PLAUR: variants seen among roughly 807,000 people sequenced by gnomAD.
PLAUR encodes the protein plasminogen activator, urokinase receptor, also known as urokinase plasminogen activator surface receptor.
Under a neutral mutation model 33.4 loss-of-function variants are expected in PLAUR, and 22 were observed. The ratio of observed to expected loss-of-function variants is 0.66; its 90% CI spans 0.47 to 0.94. PLAUR has a LOEUF of 0.94. PLAUR is among the 40% of genes least tolerant of loss of function. The pLI is 0.00. For synonymous variants in PLAUR, 148 were observed against 167.3 expected (o/e 0.88, Z 0.89); for missense variants, 408 against 434.7 (o/e 0.94, Z 0.55).
chr19:43,647,935 G>A (rs773085598), downstream of PLAUR, among the ~76,000 whole-genome samples: 9 of 134,390 alleles, frequency 6.7e-5, no homozygotes, highest in Admixed American at 1.5e-4. Context: ...AGGTTAGAGA[G>A]CCCTTTTTTT....
chr19:43,668,021 T>G (rs1373780650), intron 1 of PLAUR: 2 of 1,141,976 alleles, frequency 1.8e-6, no homozygotes, highest in South Asian at 4.5e-5. Context: ...GTTCTATTCC[T>G]GCTCCTATTA....
Position 43,667,622 on chromosome 19 carries a change from C to A in PLAUR, c.125G>T (p.Gly42Val), listed in dbSNP as rs1201479506. ...GATCGTGGTCCTGCAGAGGTCCTGT[C>A]CCAGGGCGCACTCTTCCACACGGCA... is the stretch of plus-strand genomic sequence containing the variant. ...GDCRVEECALGQDLCRTTIVR... is the reference protein window; with the variant it reads ...GDCRVEECALVQDLCRTTIVR... The change falls in exon 2 of 7, where the codon GGA becomes GTA. Residue 42 changes from glycine to valine, a missense_variant. Physicochemically the swap from Gly to Val is moderately radical, Grantham distance 109 (BLOSUM62 -3). Transcript: ENST00000340093. The A allele has an allele frequency of 1.2e-6, 2 of 1,614,088 alleles. No individual in the cohort carries two copies. The highest frequency in any genetic ancestry group is 1.7e-6 in the Non-Finnish European group (2 of 1,180,002).
In PLAUR at chr19:43,667,539, CA is replaced by C. The variant is rs769481069; in HGVS notation, c.166+41del. 12 of 1,374,718 alleles carry C rather than the reference CA, an allele frequency of 8.7e-6. No individual in the cohort carries two copies. In the Admixed American group the frequency reaches 1.8e-4, roughly 21 times the overall value. 85.2% of individuals were successfully genotyped at this position (1,374,718 alleles called of 1,614,324 possible). A position where few individuals can be genotyped will look rare whatever the true frequency, so the allele number is the denominator to read the frequency against. On this transcript the variant is annotated intron_variant, in intron 2 of 6. Transcript: ENST00000340093. ...GAAGGTTTCTCAATCACTCGCGTTC[CA>C]TGCTGCGCTGGAGGGGTGTGTGGGT...
At chr19:43,659,162 C>CTTTTATTT (rs1555780377) in intron 3 of PLAUR, among the ~76,000 whole-genome samples, 2 of 10,754 alleles carry the variant, frequency 1.9e-4, no homozygotes, top group Non-Finnish European at 3.8e-4. Context: ...TTTTTCTTTT[C>CTTTTATTT]TTTTCTTTTT....
intron 3 of PLAUR, among the ~76,000 whole-genome samples, chr19:43,660,332 ATT>A (rs58331143): frequency 2.5e-4 from 36 of 144,914 alleles, no homozygotes; most frequent in African/African-American, 3.0e-4. Context: ...TACCCGGCTA[ATT>A]TTTTTTTTTT....
chr19:43,663,360 T>G (rs1568562377), intron 3 of PLAUR, among the ~76,000 whole-genome samples: 1 of 146,164 alleles, frequency 6.8e-6, no homozygotes, highest in Non-Finnish European at 1.5e-5. Flanking sequence ...CACAGGACTG[T>G]GAGTCCCATG....
At chr19:43,662,308 C>T (rs942034258) in intron 3 of PLAUR, among the ~76,000 whole-genome samples, 8 of 151,970 alleles carry the variant, frequency 5.3e-5, no homozygotes, top group East Asian at 1.9e-4. Context: ...CCAGCCTGGC[C>T]AACATGGTGA....
At chr19:43,651,726 A>C in intron 6 of PLAUR, 1 of 887,640 alleles carries the variant, frequency 1.1e-6, no homozygotes, top group Non-Finnish European at 1.4e-6. Flanking sequence ...GTGAGCCACC[A>C]CACCTGGCCA....
downstream of PLAUR, among the ~76,000 whole-genome samples, chr19:43,648,074 C>T (rs1021950387): frequency 2.6e-5 from 4 of 151,200 alleles, no homozygotes; most frequent in African/African-American, 7.3e-5. Flanking sequence ...GGGAGGCTAT[C>T]TGGGGGTTGG....
rs1284817952 is a variant in PLAUR, at chr19:43,667,614, G to A, written c.133C>T (p.Leu45Phe). The change falls in exon 2 of 7, where the codon CTC becomes TTC. Residue 45 changes from leucine (L) to phenylalanine (F), a missense_variant. Transcript: ENST00000340093. The stretch of plus-strand genomic sequence containing the variant: ...AAGCGCACGATCGTGGTCCTGCAGA[G>A]GTCCTGTCCCAGGGCGCACTCTTCC... The part of the protein sequence containing the change: ...RVEECALGQD[L>F]CRTTIVRLWE... 1.2e-6 allele frequency: 2 copies of A among 1,613,968 alleles called. No homozygotes were observed. The highest frequency in any genetic ancestry group is 4.5e-5 in the East Asian group (2 of 44,884).
intron 6 of PLAUR, among the ~76,000 whole-genome samples, chr19:43,651,555 C>G (rs1045489916): frequency 2.0e-5 from 3 of 151,926 alleles, no homozygotes; most frequent in African/African-American, 7.3e-5. Flanking sequence ...GTGCCTCAGC[C>G]CCCTGAGTAG....
chr19:43,656,120 A>G (rs1177492574), intron 4 of PLAUR, among the ~76,000 whole-genome samples: 1 of 151,904 alleles, frequency 6.6e-6, no homozygotes, highest in African/African-American at 2.4e-5. Context: ...AGGCGTGGTG[A>G]TGCACACCTG....
At chr19:43,666,155 T>G (rs1289281937) in intron 2 of PLAUR, among the ~76,000 whole-genome samples, 2 of 152,160 alleles carry the variant, frequency 1.3e-5, no homozygotes, top group Admixed American at 1.3e-4. Context: ...CTCGAACTTC[T>G]GGGCTCAAGG....
rs768024403 is a variant in PLAUR at position 43,656,488 on chromosome 19, C to T, written c.463G>A (p.Gly155Ser). 9 of 1,590,026 alleles carry T rather than the reference C, an allele frequency of 5.7e-6. No individual in the cohort carries two copies. Among genetic ancestry groups the T allele is most frequent in the Non-Finnish European group, 7.7e-6 (9 of 1,165,186 alleles). The change falls in exon 4 of 7, where the codon GGT becomes AGT. Residue 155 changes from glycine (G) to serine (S), a missense_variant. By Grantham distance (56) the Gly-to-Ser change is moderately conservative (BLOSUM62 0). Transcript: ENST00000340093. ...LDVVTHWIQE[G>S]EEGRPKDDRH... is the part of the protein sequence containing the mutation. ...GCAGGTTGGGGCTCACCTTCTTCAC[C>T]TTCCTGGATCCAGTGGGTCACCACA...
At chr19:43,646,918 T>A (rs1365255509), downstream of PLAUR, among the ~76,000 whole-genome samples, 1 of 150,626 alleles carries the variant, frequency 6.6e-6, no homozygotes, top group African/African-American at 2.4e-5. Context: ...GTAGCTGGAG[T>A]TACAGGCACC....
chr19:43,651,770 C>A, intron 6 of PLAUR: 1 of 988,038 alleles, frequency 1.0e-6, no homozygotes, highest in African/African-American at 1.7e-5. Flanking sequence ...GAAGTTGAGA[C>A]CAAAAAGTTT....
At position 43,648,925 on chromosome 19, in the gene PLAUR, C is replaced by T; in HGVS notation, c.973G>A (p.Ala325Thr). The T allele has an allele frequency of 6.2e-7, 1 of 1,614,076 alleles. No homozygotes were observed. The highest frequency in any genetic ancestry group is 8.5e-7 in the Non-Finnish European group (1 of 1,179,984). ...LSLTITLLMT[A>T]RLWGGTLLWT ...AGGAGAGTGCCTCCCCACAGTCTGG[C>T]AGTCATTAGCAGGGTGATGGTGAGG... Residue 325 changes from alanine (A) to threonine (T), a missense_variant, in exon 7 of 7, where the codon GCC becomes ACC. By Grantham distance (58) the Ala-to-Thr change is moderately conservative. Transcript: ENST00000340093.
chr19:43,667,816 T>C (rs1967326296), intron 1 of PLAUR, 125 bp from the exon 2 acceptor site: 2 of 1,479,198 alleles, frequency 1.4e-6, no homozygotes, highest in African/African-American at 2.8e-5. Context: ...TTCGTGTCCA[T>C]GTTCTGCTGG....
At chr19:43,656,366 T>G in intron 4 of PLAUR, 113 bp downstream of exon 4, 6 of 949,336 alleles carry the variant, frequency 6.3e-6, no homozygotes, top group Non-Finnish European at 9.3e-6. Context: ...CTCTTGTGTA[T>G]GAGAGAACTT....
Sources: allele counts gnomAD v4.1 joint callset (sites outside exome capture counted in the v4.1 genomes callset), GRCh38; gene constraint gnomAD v4.1.1; transcripts MANE v1.5; gene names NCBI Gene and HGNC (gene_info 2026-07-23, HGNC 2026-07-21).